Variants in COPA observed in about 807,000 individuals in gnomAD.
The protein encoded by COPA is coatomer subunit alpha.
A neutral mutation model predicts 158.7 loss-of-function variants in COPA; 10 were observed. The ratio of observed to expected loss-of-function variants is 0.06; its 90% CI spans 0.04 to 0.11. The LOEUF is 0.11. Ranked by LOEUF, COPA falls within the 10% of genes least tolerant of loss-of-function variation. COPA has a pLI of 1.00. For missense variants in COPA, 1,065 were observed against 1,536.7 expected (o/e 0.69, Z 5.13); for synonymous variants, 462 against 542.8 (o/e 0.85, Z 2.07).
rs978911264 is a variant in COPA, at chr1:160,311,369, T to C, written c.1076+499A>G. Among the ~76,000 whole-genome samples the C allele has an allele frequency of 9.4e-5, 14 of 148,494 alleles. 1 individual carries two copies. In the South Asian group the frequency reaches 3.0e-3, roughly 32 times the overall value. ...AGGAGAATTGCTTGAACCCAGGAGG[T>C]GGAGGTTGCAGTGAGCTGAGGTTGC... On this transcript the variant is annotated intron_variant, in intron 11 of 32. Transcript: ENST00000241704.
rs1263234274 is a variant in COPA at position 160,289,266 on chromosome 1, G to A, written c.*891C>T. The A allele has an allele frequency of 6.6e-6, 1 of 152,074 alleles. No individual in the cohort carries two copies. The highest frequency in any genetic ancestry group is 1.5e-5 in the Non-Finnish European group (1 of 68,024). 9.4% of individuals were successfully genotyped at this position (152,074 alleles called of 1,614,324 possible). On this transcript the variant is annotated 3_prime_UTR_variant, in exon 33 of 33. Coordinates refer to ENST00000241704, the MANE Select transcript of COPA (RefSeq NM_004371.4). ...ACATGAGAGTGTCCAAGAAATAAAT[G>A]GCCAAGTCAAGAAGCTCTCATAGAG...
chr1:160,311,074 G>C (rs1038200993), intron 11 of COPA, among the ~76,000 whole-genome samples: 1 of 152,008 alleles, frequency 6.6e-6, no homozygotes, highest in Non-Finnish European at 1.5e-5. Context: ...TCACTCATTG[G>C]GTTTAAACTG....
intron 15 of COPA, 122 bp from the exon 16 acceptor site, chr1:160,305,895 C>T: frequency 3.7e-6 from 3 of 806,302 alleles, no homozygotes; most frequent in East Asian, 2.6e-5. Flanking sequence ...ATTCTAATTA[C>T]ATAAAATACT....
chr1:160,341,680 AG>A (rs1466022315), intron 1 of COPA, among the ~76,000 whole-genome samples: 2 of 152,218 alleles, frequency 1.3e-5, no homozygotes, highest in African/African-American at 4.8e-5. Flanking sequence ...TATAAATCTA[AG>A]ACCCTCCCCC....
intron 1 of COPA, among the ~76,000 whole-genome samples, chr1:160,341,243 C>A (rs1648027106): frequency 6.6e-6 from 1 of 152,196 alleles, no homozygotes; most frequent in Non-Finnish European, 1.5e-5. Flanking sequence ...TGCAGTTACA[C>A]ATAGACATAG....
intron 25 of COPA, 121 bp downstream of exon 25, chr1:160,294,363 C>A: frequency 1.2e-6 from 1 of 810,470 alleles, no homozygotes; most frequent in Non-Finnish European, 2.1e-6. Context: ...GAAGGGCTGA[C>A]CTTAGGATAG....
chr1:160,306,919 T>C (rs7522166), intron 14 of COPA, among the ~76,000 whole-genome samples: 65,226 of 152,064 alleles, frequency 0.43, 14,975 homozygotes, highest in South Asian at 0.61. Flanking sequence ...GCTCCTGTAG[T>C]CAAGAGTGAC....
At chr1:160,314,449 T>G (rs1451663359) in intron 8 of COPA, among the ~76,000 whole-genome samples, 1 of 151,920 alleles carries the variant, frequency 6.6e-6, no homozygotes, top group Non-Finnish European at 1.5e-5. Context: ...GGCAACATGG[T>G]AAAAAACCCC....
intron 3 of COPA, chr1:160,339,354 A>C (rs1647932251): frequency 6.6e-6 from 1 of 152,162 alleles, no homozygotes; most frequent in Non-Finnish European, 1.5e-5. Flanking sequence ...AAAACATATA[A>C]ATCTGGTATC....
Position 160,292,494 on chromosome 1 carries a change from T to G in COPA, c.2950A>C (p.Asn984His), listed in dbSNP as rs530747468. ...PCLPSMYGYP[N>H]RNWKDAGLKN... ...AGAAAAGGGCCTTACCAGTTGCGAT[T>G]AGGATAGCCATACATGGAGGGTAGG... Residue 984 changes from asparagine (N) to histidine (H), a missense_variant, in exon 28 of 33, where the codon AAT becomes CAT. Coordinates refer to ENST00000241704, the MANE Select transcript of COPA (RefSeq NM_004371.4). The G allele has an allele frequency of 2.0e-5, 32 of 1,613,300 alleles. No homozygotes were observed. The East Asian group carries it at 6.7e-4, about 34-fold the overall frequency.
intron 6 of COPA, among the ~76,000 whole-genome samples, chr1:160,332,038 A>G (rs1647550052): frequency 6.6e-6 from 1 of 152,116 alleles, no homozygotes; most frequent in African/African-American, 2.4e-5. Context: ...TAATAGAGAG[A>G]TTTTACTATT....
Position 160,309,052 on chromosome 1 carries a change from G to C in COPA, c.1219+49C>G, listed in dbSNP as rs763818204. The C allele has an allele frequency of 4.9e-6, 7 of 1,417,328 alleles. No homozygotes were observed. The Admixed American group carries it at 1.2e-4, about 24-fold the overall frequency. 87.8% of individuals were successfully genotyped at this position (1,417,328 alleles called of 1,614,324 possible). A position where few individuals can be genotyped will look rare whatever the true frequency, so the allele number is the denominator to read the frequency against. On this transcript the variant is annotated intron_variant, in intron 13 of 32. Transcript: ENST00000241704. The stretch of plus-strand genomic sequence containing the variant: ...AAAACTTGAAGAGGAGTTATGATGC[G>C]GGTGAGGAGAGCTGGAAGCAGAGTG...
intron 17 of COPA, among the ~76,000 whole-genome samples, chr1:160,300,282 G>A (rs77241554): frequency 0.013 from 1,951 of 151,844 alleles, 44 homozygotes; most frequent in African/African-American, 0.041. Flanking sequence ...GGAGGTTGCC[G>A]TGAGCCGAGG....
Position 160,299,332 on chromosome 1 carries a change from A to C in COPA, c.1668-68T>G, listed in dbSNP as rs1027303367. ...TCCATCCTGTGAAGAAACGGAACAA[A>C]CCTAGGAAACGGTCTTTTGTCAAGT... is the stretch of plus-strand genomic sequence containing the variant. On this transcript the variant is annotated intron_variant, in intron 17 of 32. Coordinates refer to ENST00000241704, the MANE Select transcript of COPA (RefSeq NM_004371.4). The C allele has an allele frequency of 2.0e-6, 3 of 1,467,408 alleles. No homozygotes were observed. The African/African-American group carries it at 4.2e-5, about 21-fold the overall frequency. The allele number at this position is 1,467,408 out of a possible 1,614,324, so 90.9% of individuals were successfully genotyped here.
intron 30 of COPA, 85 bp from the exon 31 acceptor site, chr1:160,291,581 A>G (rs1316433498): frequency 1.0e-5 from 15 of 1,486,504 alleles, no homozygotes; most frequent in Non-Finnish European, 1.0e-5. Flanking sequence ...TGCATAAAAA[A>G]CACAACACAA....
At chr1:160,333,811 G>T in intron 4 of COPA, 132 bp from the exon 5 acceptor site, 1 of 608,906 alleles carries the variant, frequency 1.6e-6, no homozygotes, top group Non-Finnish European at 2.8e-6. Context: ...TGCTGCTTTT[G>T]CTATCAGGTT....
intron 3 of COPA, among the ~76,000 whole-genome samples, chr1:160,337,609 C>T (rs1225648244): frequency 6.6e-6 from 1 of 152,142 alleles, no homozygotes; most frequent in Admixed American, 6.5e-5. Context: ...ATTCCAGCTA[C>T]TCGGGAGGCT....
In COPA at chr1:160,296,099, C is replaced by T. The variant is rs1334352247; in HGVS notation, c.2314G>A (p.Glu772Lys). The change falls in exon 22 of 33, where the codon GAG becomes AAG. Residue 772 changes from glutamate (E) to lysine (K), a missense_variant. By Grantham distance (56) the Glu-to-Lys change is moderately conservative. Transcript: ENST00000241704. ...AATHGLDEEA[E>K]SLKETFDPEK... ...GGGTCAAATGTCTCCTTTAGGCTCT[C>T]AGCTTCTTCATCTAAGCCATGGGTA... is the stretch of plus-strand genomic sequence containing the variant. The T allele has an allele frequency of 2.5e-6, 4 of 1,614,186 alleles. No individual in the cohort carries two copies. The highest frequency in any genetic ancestry group is 2.5e-6 in the Non-Finnish European group (3 of 1,180,016).
intron 8 of COPA, among the ~76,000 whole-genome samples, chr1:160,318,847 T>C (rs890117522): frequency 1.3e-5 from 2 of 151,948 alleles, no homozygotes; most frequent in African/African-American, 4.8e-5. Flanking sequence ...GTGAATCTCA[T>C]GGTAATTACA....
Sources: gnomAD v4.1 joint callset for allele counts (sites outside exome capture counted in the v4.1 genomes callset) on GRCh38, gnomAD v4.1.1 for gene constraint, MANE v1.5 for transcripts, NCBI Gene and HGNC (gene_info 2026-07-23, HGNC 2026-07-21) for gene names.